MED26: variants seen among roughly 807,000 people sequenced by gnomAD.
MED26 encodes mediator of RNA polymerase II transcription subunit 26.
MED26 carries 7 observed loss-of-function variants against 43.7 expected under a neutral mutation model. The ratio of observed to expected loss-of-function variants is 0.16; its 90% CI spans 0.09 to 0.30. The LOEUF is 0.30. Among genes scored for constraint, MED26 ranks in the 10% least tolerant of loss-of-function variants. The pLI is 1.00. For synonymous variants in MED26, 375 were observed against 371.1 expected, an observed-to-expected ratio of 1.01 and a Z score of -0.12; for missense variants, 784 against 840.6, an observed-to-expected ratio of 0.93 and a Z score of 0.83.
chr19:16,576,546 G>A lies in MED26; in HGVS notation c.1284C>T (p.Asp428=), dbSNP rs764312431. The A allele has an allele frequency of 1.2e-6, 2 of 1,614,214 alleles. No individual in the cohort carries two copies. Among genetic ancestry groups the A allele is most frequent in the South Asian group, 2.2e-5 (2 of 91,088 alleles). Residue 428 remains aspartate (D), a synonymous_variant, in exon 3 of 3, where the codon GAC becomes GAT. Coordinates refer to ENST00000263390, the MANE Select transcript of MED26 (RefSeq NM_004831.5). The surrounding 1 kb of genome is among the most constrained non-coding windows in gnomAD (Gnocchi z 6.8). ...GAGGTTTGATCTGTCTCGTCATGGG[G>A]TCAAAGGTGAGCTTCCGCTCTTTTA... ...VRLKERKLTF[D]PMTRQIKPLT... is the part of the protein sequence containing the mutation.
chr19:16,606,133 C>T (rs966656938), intron 1 of MED26, among the ~76,000 whole-genome samples: 12 of 152,160 alleles, frequency 7.9e-5, no homozygotes, highest in African/African-American at 2.9e-4. Flanking sequence ...CCTGGGCCCA[C>T]GGCAGCAGGT....
chr19:16,604,881 G>A (rs2086165340), intron 1 of MED26, among the ~76,000 whole-genome samples: 5 of 152,150 alleles, frequency 3.3e-5, no homozygotes, highest in Admixed American at 3.3e-4. Flanking sequence ...ATATGTGTCC[G>A]TCCCAAGCCT....
In MED26 at chr19:16,577,724, AC is replaced by A; in HGVS notation, c.148-43del. 6.7e-7 allele frequency: 1 copy of A among 1,483,852 alleles called. No homozygotes were observed. Among genetic ancestry groups the A allele is most frequent in the Non-Finnish European group, 9.1e-7 (1 of 1,098,072 alleles). 91.9% of individuals were successfully genotyped at this position (1,483,852 alleles called of 1,614,324 possible). On this transcript the variant is annotated intron_variant, in intron 2 of 2. Transcript: ENST00000263390. This position sits in a 1 kb window ranked among gnomAD's most constrained non-coding sequence, Gnocchi z 8.1. ...ATGATGACATACTTTCGGGACAGGA[AC>A]TTCTCCATGAGCTGAGCCAGAAATG...
intron 1 of MED26, among the ~76,000 whole-genome samples, chr19:16,580,453 C>A (rs1293991636): frequency 6.6e-6 from 1 of 151,956 alleles, no homozygotes; most frequent in African/African-American, 2.4e-5. Flanking sequence ...ACTGCAACCT[C>A]CGTCTCCTGG....
intron 1 of MED26, among the ~76,000 whole-genome samples, chr19:16,596,814 C>T (rs558409670): frequency 3.0e-4 from 45 of 152,280 alleles, no homozygotes; most frequent in African/African-American, 1.0e-3. Context: ...AGGCCCTGGA[C>T]GGGGTTCCAC....
intron 1 of MED26, among the ~76,000 whole-genome samples, 191 bp downstream of exon 1, chr19:16,627,681 C>G (rs2086287213): frequency 6.6e-6 from 1 of 152,228 alleles, no homozygotes; most frequent in African/African-American, 2.4e-5. Flanking sequence ...CCTCACGTAC[C>G]GAGCGCTGCC....
chr19:16,586,311 C>T lies in MED26; in HGVS notation c.73-7902G>A, dbSNP rs373171581. On this transcript the variant is annotated intron_variant, in intron 1 of 2. Transcript: ENST00000263390. The surrounding 1 kb of genome is among the most constrained non-coding windows in gnomAD (Gnocchi z 5.1). The stretch of plus-strand genomic sequence containing the variant: ...AGGGCCAGGAAGGTAATGGAGGTCC[C>T]GGGTAGACCACACAGCTAGAAGATG... Among the ~76,000 whole-genome samples the T allele has an allele frequency of 4.6e-5, 7 of 152,228 alleles. No individual in the cohort carries two copies. The highest frequency in any genetic ancestry group is 1.3e-4 in the Admixed American group (2 of 15,286).
At chr19:16,579,159 A>G (rs1480729431) in intron 1 of MED26, among the ~76,000 whole-genome samples, 2 of 152,164 alleles carry the variant, frequency 1.3e-5, no homozygotes, top group Non-Finnish European at 2.9e-5. Context: ...AAGACACCAT[A>G]AAGAGAGCAG....
At chr19:16,621,400 G>A (rs1568291560) in intron 1 of MED26, among the ~76,000 whole-genome samples, 1 of 152,242 alleles carries the variant, frequency 6.6e-6, no homozygotes, top group Admixed American at 6.5e-5. Flanking sequence ...AACAGAGACT[G>A]CTGCTGGCAC....
chr19:16,581,202 C>T (rs1458138285), intron 1 of MED26, among the ~76,000 whole-genome samples: 1 of 29,666 alleles, frequency 3.4e-5, no homozygotes, highest in Non-Finnish European at 6.2e-5. Context: ...ACGGCCTTGC[C>T]TTGCAATGTT....
At chr19:16,615,129 A>G (rs1252333564) in intron 1 of MED26, among the ~76,000 whole-genome samples, 1 of 152,220 alleles carries the variant, frequency 6.6e-6, no homozygotes, top group African/African-American at 2.4e-5. Flanking sequence ...TACAGGAAGC[A>G]CTGCGGGAAA....
chr19:16,627,835 T>G, intron 1 of MED26, 37 bp downstream of exon 1: 1 of 1,444,774 alleles, frequency 6.9e-7, no homozygotes, highest in Non-Finnish European at 9.2e-7. Flanking sequence ...CCCGGGCCCA[T>G]GCGGCCTCCG....
intron 1 of MED26, among the ~76,000 whole-genome samples, chr19:16,592,645 C>T (rs2086103244): frequency 6.6e-6 from 1 of 152,240 alleles, no homozygotes; most frequent in South Asian, 2.1e-4. Context: ...CCAGTGTCCC[C>T]ACCTTCATCC....
rs1289784259 is a variant in MED26, at chr19:16,575,072, T to A, written c.*955A>T. On this transcript the variant is annotated 3_prime_UTR_variant, in exon 3 of 3. Coordinates refer to ENST00000263390, the MANE Select transcript of MED26 (RefSeq NM_004831.5). ...TCCTTGTTTTTGCAAATCGCGTTTA[T>A]GACAAATAACCATAAGGCAAACGAA... The A allele has an allele frequency of 6.6e-6, 1 of 152,640 alleles. No homozygotes were observed. Among genetic ancestry groups the A allele is most frequent in the Non-Finnish European group, 1.5e-5 (1 of 68,040 alleles). The allele number at this position is 152,640 out of a possible 1,614,324, so 9.5% of individuals were successfully genotyped here.
At chr19:16,594,261 G>A (rs370667866) in intron 1 of MED26, among the ~76,000 whole-genome samples, 1 of 152,210 alleles carries the variant, frequency 6.6e-6, no homozygotes, top group South Asian at 2.1e-4. Flanking sequence ...ACTTGCCGCC[G>A]AGAGCCAAAT....
At chr19:16,609,270 C>T (rs1012953303) in intron 1 of MED26, among the ~76,000 whole-genome samples, 10 of 144,758 alleles carry the variant, frequency 6.9e-5, no homozygotes, top group African/African-American at 2.4e-4. Flanking sequence ...GGAGATTGCA[C>T]CACCGGACTC....
Position 16,576,364 on chromosome 19 carries a change from T to A in MED26, c.1466A>T (p.Tyr489Phe). ...ELSRNEIIQS[Y>F]LSRQSSLLSS... ...GAGCAGGCTGCTCTGCCGGCTCAGG[T>A]AGGACTGGATGATCTCGTTGCGTGA... Residue 489 changes from tyrosine (Y) to phenylalanine (F), a missense_variant, in exon 3 of 3, where the codon TAC becomes TTC. Tyr to Phe is a conservative substitution (Grantham distance 22). Coordinates refer to ENST00000263390, the MANE Select transcript of MED26 (RefSeq NM_004831.5). The surrounding 1 kb of genome is among the most constrained non-coding windows in gnomAD (Gnocchi z 6.8). 1 of 1,614,024 alleles carries A rather than the reference T, an allele frequency of 6.2e-7. No homozygotes were observed. The highest frequency in any genetic ancestry group is 8.5e-7 in the Non-Finnish European group (1 of 1,179,988).
chr19:16,578,479 A>G lies in MED26; in HGVS notation c.73-70T>C, dbSNP rs547625819. 3.5e-6 allele frequency: 5 copies of G among 1,426,864 alleles called. No homozygotes were observed. The South Asian group carries it at 5.9e-5, about 17-fold the overall frequency. The allele number at this position is 1,426,864 out of a possible 1,614,324, so 88.4% of individuals were successfully genotyped here. On this transcript the variant is annotated intron_variant, in intron 1 of 2. Transcript: ENST00000263390. Reference sequence around the variant, plus strand: ...CTGGGAGGCTGGAACACCCTGCCCCAGCCTGCTCCAGTCTCTCCCCAACCC... The same window carrying G: ...CTGGGAGGCTGGAACACCCTGCCCCGGCCTGCTCCAGTCTCTCCCCAACCC...
chr19:16,604,333 C>T (rs1168517356), intron 1 of MED26, among the ~76,000 whole-genome samples: 1 of 152,154 alleles, frequency 6.6e-6, no homozygotes, highest in East Asian at 1.9e-4. Context: ...TGGGTCCTCT[C>T]CAGAGGGATA....
Sources: gnomAD v4.1 joint callset for allele counts (sites outside exome capture counted in the v4.1 genomes callset) on GRCh38, gnomAD v4.1.1 for gene constraint, Gnocchi (gnomAD v3.1) non-coding constraint, MANE v1.5 for transcripts, NCBI Gene and HGNC (gene_info 2026-07-23, HGNC 2026-07-21) for gene names.